SCAPER: variants seen among roughly 807,000 people sequenced by gnomAD.
SCAPER encodes S-phase cyclin A associated protein in the ER.
SCAPER carries 98 observed loss-of-function variants against 182.2 expected under a neutral mutation model. That is an observed-to-expected ratio of 0.54 (90% CI 0.46 to 0.64). SCAPER has a LOEUF of 0.64. SCAPER is among the 30% of genes least tolerant of loss of function. The pLI, the probability that SCAPER is intolerant of heterozygous loss-of-function variation, is 0.00. For synonymous variants in SCAPER, 605 were observed against 564.6 expected (o/e 1.07, Z -1.01); for missense variants, 1,432 against 1,690.0 (o/e 0.85, Z 2.68).
intron 2 of SCAPER, among the ~76,000 whole-genome samples, chr15:76,877,440 A>T (rs927051479): frequency 2.0e-5 from 3 of 152,220 alleles, no homozygotes. Flanking sequence ...GGTACTGTAT[A>T]TTTACACAGC....
chr15:76,604,639 T>C (rs1345637423), intron 22 of SCAPER, among the ~76,000 whole-genome samples: 1 of 151,804 alleles, frequency 6.6e-6, no homozygotes, highest in Non-Finnish European at 1.5e-5. Flanking sequence ...TTCGTGATAT[T>C]GATTCTTCTT....
At chr15:76,843,334 AG>A (rs1318105286) in intron 4 of SCAPER, among the ~76,000 whole-genome samples, 2 of 152,206 alleles carry the variant, frequency 1.3e-5, no homozygotes, top group Non-Finnish European at 2.9e-5. Flanking sequence ...TTGAAAACAT[AG>A]TTATCATTTA....
intron 17 of SCAPER, among the ~76,000 whole-genome samples, chr15:76,719,627 C>T (rs971292531): frequency 5.3e-5 from 8 of 152,120 alleles, no homozygotes; most frequent in African/African-American, 1.7e-4. Context: ...AAACCTTTTA[C>T]TATCTATATG....
chr15:76,636,936 A>G (rs1176755887), intron 21 of SCAPER, among the ~76,000 whole-genome samples: 2 of 152,152 alleles, frequency 1.3e-5, no homozygotes, highest in African/African-American at 2.4e-5. Context: ...AGAAATCTTT[A>G]TAATTATAAG....
intron 23 of SCAPER, among the ~76,000 whole-genome samples, chr15:76,539,332 G>C (rs2044508549): frequency 6.6e-6 from 1 of 152,084 alleles, no homozygotes; most frequent in Non-Finnish European, 1.5e-5. Flanking sequence ...CTCCCAAGAA[G>C]AGAATCATTC....
chr15:76,855,800 GAATA>G (rs1456115085), intron 4 of SCAPER: 2 of 388,424 alleles, frequency 5.1e-6, no homozygotes, highest in Non-Finnish European at 5.3e-6. Context: ...GGAGATAAGA[GAATA>G]CTTACACGCT....
intron 5 of SCAPER, among the ~76,000 whole-genome samples, chr15:76,840,325 CAGG>C (rs1568305533): frequency 6.6e-6 from 1 of 150,502 alleles, no homozygotes; most frequent in African/African-American, 2.5e-5. Context: ...GAGGCTGAGG[CAGG>C]AGGACTGCTT....
At chr15:76,373,867 T>G (rs987547425) in intron 29 of SCAPER, among the ~76,000 whole-genome samples, 4 of 151,996 alleles carry the variant, frequency 2.6e-5, no homozygotes, top group African/African-American at 9.7e-5. Flanking sequence ...CCCAGATGGC[T>G]GTGACTTCCG....
intron 20 of SCAPER, among the ~76,000 whole-genome samples, chr15:76,691,807 A>G (rs111397440): frequency 7.5e-4 from 114 of 152,306 alleles, no homozygotes; most frequent in African/African-American, 2.7e-3. Context: ...ACATGATATC[A>G]CCAAAACTCT....
At chr15:76,892,011 A>G (rs369824016) in intron 1 of SCAPER, among the ~76,000 whole-genome samples, 10 of 152,346 alleles carry the variant, frequency 6.6e-5, no homozygotes, top group Non-Finnish European at 1.3e-4. Flanking sequence ...CAGAGGCCTC[A>G]GAAATAACAC....
rs1597038311 is a variant in SCAPER, at chr15:76,497,884, G to A, written c.2954+6975C>T. 2.0e-5 allele frequency among the ~76,000 whole-genome samples: 3 copies of A among 150,646 alleles called. No homozygotes were observed. The South Asian group carries it at 6.3e-4, about 32-fold the overall frequency. Reference sequence around the variant, plus strand: ...CACACACCTGTAATCCCAGCTACTCGGGAGGCTGAGGCAGGAGAATTGCTT... The same window carrying A: ...CACACACCTGTAATCCCAGCTACTCAGGAGGCTGAGGCAGGAGAATTGCTT... On this transcript the variant is annotated intron_variant, in intron 24 of 31. Transcript: ENST00000563290.
intron 23 of SCAPER, among the ~76,000 whole-genome samples, chr15:76,525,184 G>A (rs2043110177): frequency 6.6e-6 from 1 of 151,954 alleles, no homozygotes; most frequent in Non-Finnish European, 1.5e-5. Context: ...TTATAATTAT[G>A]ATGTTTTTCC....
Position 76,780,135 on chromosome 15 carries a change from G to C in SCAPER, c.773-5018C>G, listed in dbSNP as rs116809928. Among the ~76,000 whole-genome samples, 1,374 of 152,316 alleles carry C rather than the reference G, an allele frequency of 9.0e-3. 22 individuals carry two copies. Among genetic ancestry groups the C allele is most frequent in the African/African-American group, 0.032 (1,334 of 41,570 alleles). On this transcript the variant is annotated intron_variant, in intron 8 of 31. Coordinates refer to ENST00000563290, the MANE Select transcript of SCAPER (RefSeq NM_020843.4). Reference sequence around the variant, plus strand: ...TTCCCTTTCCTAGCCAAGGCAAGCCGTGACAGACTGTACCTGGAAAAACAG... The same window carrying C: ...TTCCCTTTCCTAGCCAAGGCAAGCCCTGACAGACTGTACCTGGAAAAACAG...
chr15:76,727,484 T>C (rs1348210909), intron 17 of SCAPER, among the ~76,000 whole-genome samples: 1 of 151,944 alleles, frequency 6.6e-6, no homozygotes, highest in East Asian at 1.9e-4. Context: ...TGCAGATCAG[T>C]AGGGAAAAAA....
intron 22 of SCAPER, among the ~76,000 whole-genome samples, chr15:76,600,376 AGTGTGTGTATATGTGTGTGTGT>A (rs1432501782): frequency 1.3e-5 from 1 of 75,756 alleles, no homozygotes; most frequent in African/African-American, 3.3e-5. Context: ...ATACTTGGAA[AGTGTGTGTATATGTGTGTGTGT>A]GTGTGTGTGT....
chr15:76,456,040 G>A (rs1228922331), intron 25 of SCAPER, among the ~76,000 whole-genome samples: 1 of 152,162 alleles, frequency 6.6e-6, no homozygotes, highest in African/African-American at 2.4e-5. Flanking sequence ...TGGTGTATAT[G>A]TGCCACATTT....
chr15:76,417,561 G>A (rs1227360844), intron 26 of SCAPER, among the ~76,000 whole-genome samples: 1 of 152,200 alleles, frequency 6.6e-6, no homozygotes, highest in Non-Finnish European at 1.5e-5. Context: ...AGGAAGAGGA[G>A]CTCCTTTGGG....
chr15:76,762,367 CT>C lies in SCAPER; in HGVS notation c.1725+2593del, dbSNP rs58117069. Among the ~76,000 whole-genome samples, 585 of 131,662 alleles carry C rather than the reference CT, an allele frequency of 4.4e-3. 4 individuals are homozygous for C. Among genetic ancestry groups the C allele is most frequent in the African/African-American group, 7.2e-3 (254 of 35,346 alleles). 86.4% of individuals were successfully genotyped at this position (131,662 alleles called of 152,430 possible). On this transcript the variant is annotated intron_variant, in intron 14 of 31. Coordinates refer to ENST00000563290, the MANE Select transcript of SCAPER (RefSeq NM_020843.4). ...TCTTCATTTGTTATTTGATTGTGGG[CT>C]TTTTTTTTTTTTTCTAATGGTTTGG...
rs1385312616 is a variant in SCAPER at position 76,593,698 on chromosome 15, T to C, written c.2712-19414A>G. Among the ~76,000 whole-genome samples the C allele has an allele frequency of 1.6e-5, 2 of 121,298 alleles. 1 individual carries two copies. Among genetic ancestry groups the C allele is most frequent in the Admixed American group, 1.9e-4 (2 of 10,702 alleles). 79.6% of individuals were successfully genotyped at this position (121,298 alleles called of 152,430 possible). A position where few individuals can be genotyped will look rare whatever the true frequency, so the allele number is the denominator to read the frequency against. On this transcript the variant is annotated intron_variant, in intron 22 of 31. Transcript: ENST00000563290. ...AGGCAAACAGGATCTGGAGTGGACC[T>C]CCAGCAAACTCCAGCAGACCTGAAG...
Sources: allele counts gnomAD v4.1 joint callset (sites outside exome capture counted in the v4.1 genomes callset), GRCh38; gene constraint gnomAD v4.1.1; transcripts MANE v1.5; gene names NCBI Gene and HGNC (gene_info 2026-07-23, HGNC 2026-07-21).